Variants in BMPR2 observed in about 807,000 individuals in gnomAD.
BMPR2 encodes the protein bone morphogenetic protein receptor type 2, also known as bone morphogenetic protein receptor type-2.
A neutral mutation model predicts 100.8 loss-of-function variants in BMPR2; 29 were observed. That is an observed-to-expected ratio of 0.29 (90% CI 0.21 to 0.39). The LOEUF is 0.39. BMPR2 is among the 10% of genes least tolerant of loss of function. BMPR2 has a pLI of 1.00. For missense variants in BMPR2, 1,011 were observed against 1,274.5 expected, an observed-to-expected ratio of 0.79 and a Z score of 3.15; for synonymous variants, 382 against 442.3, an observed-to-expected ratio of 0.86 and a Z score of 1.71.
intron 1 of BMPR2, among the ~76,000 whole-genome samples, chr2:202,385,027 T>C (rs1690398162): frequency 1.3e-5 from 2 of 152,288 alleles, no homozygotes; most frequent in South Asian, 2.1e-4. Context: ...TAGTGCAAAA[T>C]AGGAAAATTT....
chr2:202,391,061 C>T (rs1019749082), intron 1 of BMPR2, among the ~76,000 whole-genome samples: 2 of 136,698 alleles, frequency 1.5e-5, no homozygotes, highest in Admixed American at 1.7e-4. Flanking sequence ...GGCGCAACCT[C>T]TGCCTCCCGG....
At chr2:202,487,684 T>TA (rs1574473681) in intron 3 of BMPR2, among the ~76,000 whole-genome samples, 2 of 152,162 alleles carry the variant, frequency 1.3e-5, no homozygotes, top group East Asian at 3.8e-4. Flanking sequence ...TCGAAGAAAA[T>TA]ACCACCTAGC....
intron 3 of BMPR2, chr2:202,474,662 G>A (rs1437877627): frequency 2.0e-5 from 3 of 152,164 alleles, no homozygotes; most frequent in African/African-American, 7.2e-5. Flanking sequence ...GGGACTACAG[G>A]CGCCTGCCAC....
intron 1 of BMPR2, among the ~76,000 whole-genome samples, chr2:202,414,113 A>AT (rs955823912): frequency 2.0e-5 from 3 of 152,166 alleles, no homozygotes; most frequent in Admixed American, 2.0e-4. Context: ...ACTCAACACC[A>AT]TTTTTCCAAC....
In BMPR2 at chr2:202,561,314, T is replaced by C. The variant is rs933797423; in HGVS notation, c.*1368T>C. On this transcript the variant is annotated 3_prime_UTR_variant, in exon 13 of 13. Coordinates refer to ENST00000374580, the MANE Select transcript of BMPR2 (RefSeq NM_001204.7). ...TTTTCCTTTTGCCAGTTTTTCACAT[T>C]ATCTTTGATATGTGAGCAACATTTA... is the stretch of plus-strand genomic sequence containing the variant. The C allele has an allele frequency of 2.0e-5, 3 of 152,296 alleles. No homozygotes were observed. Among genetic ancestry groups the C allele is most frequent in the East Asian group, 3.9e-4 (2 of 5,188 alleles). 9.4% of individuals were successfully genotyped at this position (152,296 alleles called of 1,614,324 possible).
chr2:202,549,857 C>T (rs1292328267), intron 10 of BMPR2, among the ~76,000 whole-genome samples: 3 of 152,082 alleles, frequency 2.0e-5, no homozygotes, highest in Non-Finnish European at 2.9e-5. Flanking sequence ...TTCTCTGCAT[C>T]TTTGCCAACA....
At chr2:202,525,567 A>G (rs1216386308) in intron 7 of BMPR2, among the ~76,000 whole-genome samples, 1 of 152,070 alleles carries the variant, frequency 6.6e-6, no homozygotes, top group Non-Finnish European at 1.5e-5. Flanking sequence ...GGTAAAAGGA[A>G]TTGTCCCTTT....
intron 3 of BMPR2, among the ~76,000 whole-genome samples, chr2:202,509,061 G>A (rs554526253): frequency 6.6e-6 from 1 of 152,194 alleles, no homozygotes; most frequent in East Asian, 1.9e-4. Context: ...TTTTGCATCT[G>A]TTTTTCTTTT....
At chr2:202,519,172 G>T in intron 6 of BMPR2, 120 bp downstream of exon 6, 1 of 1,010,826 alleles carries the variant, frequency 9.9e-7, no homozygotes, top group East Asian at 2.5e-5. Flanking sequence ...GACCAGCCTC[G>T]CCAACATGGC....
intron 1 of BMPR2, among the ~76,000 whole-genome samples, chr2:202,437,283 C>T (rs1342566091): frequency 6.6e-6 from 1 of 150,648 alleles, no homozygotes; most frequent in Non-Finnish European, 1.5e-5. Context: ...GGATTACAGG[C>T]GTGAGCCACT....
chr2:202,529,215 T>G (rs1158771527), intron 7 of BMPR2, among the ~76,000 whole-genome samples: 1 of 152,210 alleles, frequency 6.6e-6, no homozygotes, highest in African/African-American at 2.4e-5. Flanking sequence ...TGTATAAATA[T>G]CCATAGATTG....
intron 3 of BMPR2, among the ~76,000 whole-genome samples, chr2:202,504,820 C>T (rs779448430): frequency 6.6e-6 from 1 of 151,710 alleles, no homozygotes; most frequent in Non-Finnish European, 1.5e-5. Flanking sequence ...GCTGGGATTA[C>T]AGGTGCCTGC....
intron 3 of BMPR2, among the ~76,000 whole-genome samples, chr2:202,470,392 T>A (rs1419744616): frequency 6.6e-6 from 1 of 152,216 alleles, no homozygotes; most frequent in Non-Finnish European, 1.5e-5. Flanking sequence ...AAAAATGATT[T>A]ATCCCAAGAC....
chr2:202,505,555 G>C lies in BMPR2; in HGVS notation c.419-8164G>C, dbSNP rs971876933. Among the ~76,000 whole-genome samples, 6 of 152,098 alleles carry C rather than the reference G, an allele frequency of 3.9e-5. No homozygotes were observed. The South Asian group carries it at 1.2e-3, about 32-fold the overall frequency. On this transcript the variant is annotated intron_variant, in intron 3 of 12. Coordinates refer to ENST00000374580, the MANE Select transcript of BMPR2 (RefSeq NM_001204.7). ...AACTTTTGTAACCACTTGCTTACTGGATGCTTTACTTCCAGTTGATTTATG... is the reference window on the plus strand; with the variant it reads ...AACTTTTGTAACCACTTGCTTACTGCATGCTTTACTTCCAGTTGATTTATG...
At chr2:202,533,543 GGCCTGGC>G (rs895683194) in intron 9 of BMPR2, among the ~76,000 whole-genome samples, 14 of 151,700 alleles carry the variant, frequency 9.2e-5, no homozygotes, top group African/African-American at 2.9e-4. Context: ...AATAAAAAAA[GGCCTGGC>G]GCGGTGGCTT....
chr2:202,463,408 T>C (rs1180839263), intron 1 of BMPR2, among the ~76,000 whole-genome samples: 3 of 152,234 alleles, frequency 2.0e-5, no homozygotes, highest in Admixed American at 6.5e-5. Flanking sequence ...TTCTTATTAT[T>C]GTTGGTTAAT....
At chr2:202,484,359 C>G (rs982307797) in intron 3 of BMPR2, among the ~76,000 whole-genome samples, 2 of 72,486 alleles carry the variant, frequency 2.8e-5, no homozygotes, top group Admixed American at 2.7e-4. Context: ...TCCCTCCCTC[C>G]CTTCCTTCTT....
intron 1 of BMPR2, among the ~76,000 whole-genome samples, chr2:202,418,369 G>A (rs749989802): frequency 6.6e-6 from 1 of 152,152 alleles, no homozygotes; most frequent in East Asian, 1.9e-4. Flanking sequence ...TACAGTAAAG[G>A]CATCTGTAAA....
Position 202,566,291 on chromosome 2 carries a change from C to T in BMPR2, c.*6345C>T, listed in dbSNP as rs1688761555. On this transcript the variant is annotated 3_prime_UTR_variant, in exon 13 of 13. Transcript: ENST00000374580. ...TAAAAACTCAGGGCCCCTTTCATCC[C>T]TTTGTACACTGAAAAAGTTCAATTG... 1.3e-5 allele frequency: 2 copies of T among 152,582 alleles called. No homozygotes were observed. The allele number at this position is 152,582 out of a possible 1,614,324, so 9.5% of individuals were successfully genotyped here. A position where few individuals can be genotyped will look rare whatever the true frequency, so the allele number is the denominator to read the frequency against.
Sources: gnomAD v4.1 joint callset for allele counts (sites outside exome capture counted in the v4.1 genomes callset) on GRCh38, gnomAD v4.1.1 for gene constraint, MANE v1.5 for transcripts, NCBI Gene and HGNC (gene_info 2026-07-23, HGNC 2026-07-21) for gene names.